Variants in AGMO observed in about 807,000 individuals in gnomAD.
AGMO encodes the protein glyceryl-ether monooxygenase.
AGMO carries 75 observed loss-of-function variants against 60.2 expected under a neutral mutation model. The ratio of observed to expected loss-of-function variants is 1.25; its 90% CI spans 1.03 to 1.51. The LOEUF (loss-of-function observed/expected upper bound fraction) is 1.51. Ranked by LOEUF, AGMO falls within the 40% of genes most tolerant of loss-of-function variation. AGMO has a pLI of 0.00. For missense variants in AGMO, 763 were observed against 525.5 expected, an observed-to-expected ratio of 1.45 and a Z score of -4.42; for synonymous variants, 261 against 177.1, an observed-to-expected ratio of 1.47 and a Z score of -3.76.
At chr7:15,319,661 A>C (rs1341791216) in intron 12 of AGMO, among the ~76,000 whole-genome samples, 3 of 152,096 alleles carry the variant, frequency 2.0e-5, no homozygotes, top group African/African-American at 7.2e-5. Flanking sequence ...CTTTAAATTT[A>C]ATATCCATTA....
chr7:15,396,181 T>C (rs1784373325), intron 5 of AGMO: 1 of 152,480 alleles, frequency 6.6e-6, no homozygotes, highest in Non-Finnish European at 1.5e-5. Context: ...CCCTCCCTCG[T>C]CCAGAAATGG....
intron 3 of AGMO, among the ~76,000 whole-genome samples, chr7:15,544,316 G>C (rs1224068551): frequency 6.6e-6 from 1 of 152,054 alleles, no homozygotes; most frequent in Non-Finnish European, 1.5e-5. Context: ...AATCAAAACT[G>C]AAGAACTTAT....
intron 12 of AGMO, among the ~76,000 whole-genome samples, chr7:15,345,236 T>C (rs576601502): frequency 6.6e-6 from 1 of 152,312 alleles, no homozygotes; most frequent in South Asian, 2.1e-4. Flanking sequence ...TTATTCTTAG[T>C]AATTTTTCTA....
intron 12 of AGMO, among the ~76,000 whole-genome samples, chr7:15,285,438 T>A (rs1204202872): frequency 6.6e-6 from 1 of 151,940 alleles, no homozygotes; most frequent in East Asian, 1.9e-4. Flanking sequence ...CAATGATCAA[T>A]CTGAGAATCA....
chr7:15,248,222 A>ATC (rs1331296298), intron 12 of AGMO, among the ~76,000 whole-genome samples: 12 of 104,180 alleles, frequency 1.2e-4, no homozygotes, highest in African/African-American at 4.0e-4. Context: ...ATATATATAT[A>ATC]TATCTTCATC....
At chr7:15,373,865 T>C (rs777316735) in intron 10 of AGMO, among the ~76,000 whole-genome samples, 1 of 152,232 alleles carries the variant, frequency 6.6e-6, no homozygotes, top group Non-Finnish European at 1.5e-5. Flanking sequence ...CTACAAAAGT[T>C]ATTATTTTGA....
At chr7:15,392,798 C>CAAAAA (rs200843624) in intron 6 of AGMO, among the ~76,000 whole-genome samples, 4 of 107,032 alleles carry the variant, frequency 3.7e-5, no homozygotes, top group Middle Eastern at 5.7e-3. Context: ...GACTCTGTCT[C>CAAAAA]AAAACAAACA....
the AGMO span, among the ~76,000 whole-genome samples, chr7:15,194,279 T>C: frequency 6.6e-6 from 1 of 152,212 alleles, no homozygotes; most frequent in African/African-American, 2.4e-5. Flanking sequence ...TTTAACTGAT[T>C]GCAAAGTCCT....
intron 10 of AGMO, among the ~76,000 whole-genome samples, chr7:15,382,366 G>A (rs1022558371): frequency 6.6e-6 from 1 of 152,082 alleles, no homozygotes; most frequent in Non-Finnish European, 1.5e-5. Context: ...CGGGGGAAGT[G>A]AGTACCACTG....
intron 12 of AGMO, among the ~76,000 whole-genome samples, chr7:15,232,518 G>A (rs1782288846): frequency 6.6e-6 from 1 of 152,106 alleles, no homozygotes; most frequent in African/African-American, 2.4e-5. Flanking sequence ...CTAATTTGAT[G>A]GACAAGAGGA....
chr7:15,139,083 A>G, the AGMO span, among the ~76,000 whole-genome samples: 2 of 152,052 alleles, frequency 1.3e-5, no homozygotes, highest in African/African-American at 4.8e-5. Context: ...CAACCAATTA[A>G]CCACTTTCTG....
chr7:15,435,196 G>T (rs1490441147), intron 3 of AGMO, among the ~76,000 whole-genome samples: 2 of 151,986 alleles, frequency 1.3e-5, no homozygotes, highest in Non-Finnish European at 2.9e-5. Flanking sequence ...GGTTTTCTGT[G>T]GACATGAGTT....
chr7:15,270,048 T>C (rs779545795), intron 12 of AGMO, among the ~76,000 whole-genome samples: 2 of 152,134 alleles, frequency 1.3e-5, no homozygotes, highest in Non-Finnish European at 2.9e-5. Context: ...ATTTTATTAG[T>C]GTAACTAATG....
chr7:15,139,400 G>A, the AGMO span, among the ~76,000 whole-genome samples: 1 of 152,052 alleles, frequency 6.6e-6, no homozygotes, highest in Non-Finnish European at 1.5e-5. Flanking sequence ...GACATGTGCA[G>A]GTTCGTTATA....
chr7:15,308,065 T>C (rs1317501400), intron 12 of AGMO, among the ~76,000 whole-genome samples: 2 of 152,026 alleles, frequency 1.3e-5, no homozygotes, highest in Non-Finnish European at 2.9e-5. Flanking sequence ...CTACACCCCT[T>C]CAGTTTTCCA....
At chr7:15,345,853 A>G (rs941105809) in intron 12 of AGMO, among the ~76,000 whole-genome samples, 6 of 152,016 alleles carry the variant, frequency 3.9e-5, no homozygotes, top group East Asian at 1.9e-4. Flanking sequence ...CATTACTACA[A>G]TAACAATTCC....
chr7:15,234,508 C>A (rs1392361900), intron 12 of AGMO, among the ~76,000 whole-genome samples: 1 of 152,172 alleles, frequency 6.6e-6, no homozygotes, highest in African/African-American at 2.4e-5. Flanking sequence ...TAATGACACA[C>A]CCACGTTTAA....
chr7:15,520,205 T>C (rs1783942859), intron 3 of AGMO, among the ~76,000 whole-genome samples: 1 of 152,124 alleles, frequency 6.6e-6, no homozygotes, highest in African/African-American at 2.4e-5. Context: ...AAGCAAGTGC[T>C]TAGAGACCTA....
chr7:15,380,141 T>A (rs530983414), intron 10 of AGMO, among the ~76,000 whole-genome samples: 1 of 151,986 alleles, frequency 6.6e-6, no homozygotes, highest in African/African-American at 2.4e-5. Context: ...CTATTCAACA[T>A]AGTATTTTAA....
Sources: gnomAD v4.1 joint callset for allele counts (sites outside exome capture counted in the v4.1 genomes callset) on GRCh38, gnomAD v4.1.1 for gene constraint, MANE v1.5 for transcripts, NCBI Gene and HGNC (gene_info 2026-07-23, HGNC 2026-07-21) for gene names.